The following MCCC1 variants were observed in gnomAD, a reference collection of about 807,000 sequenced individuals.
MCCC1 encodes the protein methylcrotonyl-CoA carboxylase subunit 1.
Under a neutral mutation model 83.8 loss-of-function variants are expected in MCCC1, and 64 were observed. That is an observed-to-expected ratio of 0.76 (90% confidence interval 0.62 to 0.94). The LOEUF is 0.94. Among genes scored for constraint, MCCC1 ranks in the 40% least tolerant of loss-of-function variants. The probability of loss-of-function intolerance (pLI) is 0.00; values close to 1 mark genes in which losing one functional copy is unlikely to be tolerated. For missense variants in MCCC1, 807 were observed against 904.7 expected (o/e 0.89, Z 1.39); for synonymous variants, 322 against 315.4 (o/e 1.02, Z -0.22).
intron 4 of MCCC1, among the ~76,000 whole-genome samples, chr3:183,074,622 G>C (rs553750951): frequency 1.3e-5 from 2 of 152,316 alleles, no homozygotes; most frequent in East Asian, 3.9e-4. Context: ...CCACATCCTA[G>C]TGACAGGAAA....
chr3:183,086,055 T>G (rs527670776), intron 4 of MCCC1, among the ~76,000 whole-genome samples: 1 of 152,310 alleles, frequency 6.6e-6, no homozygotes, highest in Admixed American at 6.5e-5. Flanking sequence ...TAAAGGGTAA[T>G]TTCAACATCC....
At chr3:183,058,935 TA>T (rs1473980630) in intron 7 of MCCC1, among the ~76,000 whole-genome samples, 1 of 152,250 alleles carries the variant, frequency 6.6e-6, no homozygotes, top group Non-Finnish European at 1.5e-5. Flanking sequence ...GGAAGTCTTA[TA>T]AATGTATTGC....
At chr3:183,082,536 A>G (rs1486770068) in intron 4 of MCCC1, among the ~76,000 whole-genome samples, 2 of 152,240 alleles carry the variant, frequency 1.3e-5, no homozygotes, top group Admixed American at 1.3e-4. Flanking sequence ...CAAGCATTCC[A>G]GAGACTGCTT....
intron 15 of MCCC1, among the ~76,000 whole-genome samples, chr3:183,024,765 T>C (rs1272347520): frequency 1.3e-5 from 2 of 152,262 alleles, no homozygotes; most frequent in South Asian, 2.1e-4. Flanking sequence ...AGAATCACTA[T>C]ATGATCTAGC....
At chr3:183,097,725 C>G (rs901154750) in intron 1 of MCCC1, among the ~76,000 whole-genome samples, 25 of 152,072 alleles carry the variant, frequency 1.6e-4, no homozygotes, top group African/African-American at 6.0e-4. Flanking sequence ...CTTCTATAAG[C>G]CATTAACAAC....
chr3:183,087,670 C>T (rs879257019), intron 3 of MCCC1, among the ~76,000 whole-genome samples: 2 of 151,842 alleles, frequency 1.3e-5, no homozygotes, highest in African/African-American at 2.4e-5. Flanking sequence ...AGATTGAGAC[C>T]GTCCTGGCTA....
At chr3:183,078,760 G>A (rs1340511272) in intron 4 of MCCC1, among the ~76,000 whole-genome samples, 2 of 152,142 alleles carry the variant, frequency 1.3e-5, no homozygotes, top group Non-Finnish European at 2.9e-5. Context: ...AACTGTATTA[G>A]TCTGTTTTCA....
At chr3:183,057,952 T>C (rs1715546565) in intron 7 of MCCC1, among the ~76,000 whole-genome samples, 1 of 152,078 alleles carries the variant, frequency 6.6e-6, no homozygotes, top group Admixed American at 6.6e-5. Context: ...AAAAAATCTC[T>C]CTACATAAAA....
intron 4 of MCCC1, among the ~76,000 whole-genome samples, chr3:183,079,606 C>T (rs1335838586): frequency 1.3e-5 from 2 of 152,250 alleles, no homozygotes; most frequent in African/African-American, 4.8e-5. Context: ...TTTCCAGGTA[C>T]ATGGTGCAAG....
At chr3:183,105,651 T>C (rs1017634389) in intron 1 of MCCC1, among the ~76,000 whole-genome samples, 5 of 152,122 alleles carry the variant, frequency 3.3e-5, no homozygotes, top group Non-Finnish European at 7.3e-5. Flanking sequence ...GTATTAGCTA[T>C]TGTGAAAGTT....
intron 13 of MCCC1, 145 bp from the exon 14 acceptor site, chr3:183,034,222 G>A (rs572805734): frequency 5.5e-5 from 34 of 619,464 alleles, no homozygotes; most frequent in Middle Eastern, 4.5e-4. Context: ...AGGCCAAGGC[G>A]GGCGGATCAT....
intron 13 of MCCC1, among the ~76,000 whole-genome samples, 170 bp from the exon 14 acceptor site, chr3:183,034,247 G>A (rs550677969): frequency 6.6e-6 from 1 of 152,008 alleles, no homozygotes; most frequent in African/African-American, 2.4e-5. Context: ...TCAGGAGATC[G>A]AGACCATCCT....
chr3:183,041,814 A>G, intron 10 of MCCC1, 64 bp from the exon 11 acceptor site: 4 of 1,575,958 alleles, frequency 2.5e-6, no homozygotes, highest in South Asian at 1.1e-5. Context: ...TTAGTAAATC[A>G]ATGGTCTTGC....
At chr3:183,050,533 C>T (rs1046769002) in intron 9 of MCCC1, among the ~76,000 whole-genome samples, 1 of 151,804 alleles carries the variant, frequency 6.6e-6, no homozygotes, top group South Asian at 2.1e-4. Flanking sequence ...TGAAACCCCG[C>T]CTCTACTAAA....
intron 8 of MCCC1, among the ~76,000 whole-genome samples, chr3:183,055,776 T>G (rs1715376414): frequency 6.6e-6 from 1 of 151,890 alleles, no homozygotes; most frequent in Non-Finnish European, 1.5e-5. Flanking sequence ...GGCATGCACT[T>G]GTAGTCCCAA....
At chr3:183,020,105 C>T (rs1160579270) in intron 17 of MCCC1, 25 bp downstream of exon 17, 1 of 1,551,398 alleles carries the variant, frequency 6.4e-7, no homozygotes, top group Non-Finnish European at 8.9e-7. Flanking sequence ...TACTGAACAT[C>T]ATTCTACAGA....
intron 4 of MCCC1, among the ~76,000 whole-genome samples, chr3:183,076,742 T>C (rs1158673305): frequency 1.3e-5 from 2 of 152,218 alleles, no homozygotes; most frequent in Non-Finnish European, 2.9e-5. Flanking sequence ...TGTTGAGATA[T>C]AATTCATATA....
At chr3:183,105,635 A>G (rs1210243735) in intron 1 of MCCC1, among the ~76,000 whole-genome samples, 1 of 152,146 alleles carries the variant, frequency 6.6e-6, no homozygotes, top group Non-Finnish European at 1.5e-5. Context: ...TTCGTACCTT[A>G]GGCCTGTATT....
Position 183,020,162 on chromosome 3 carries a change from G to T in MCCC1, c.1945C>A (p.Pro649Thr). ...SVSSQETQGGPLAPMTGTIEK... is the reference protein window; with the variant it reads ...SVSSQETQGGTLAPMTGTIEK... Reference sequence around the variant, plus strand: ...ATGGTTCCAGTCATAGGAGCTAAGGGGCCGCCCTGAGTTTCTTGTGAGCTC... The same window carrying T: ...ATGGTTCCAGTCATAGGAGCTAAGGTGCCGCCCTGAGTTTCTTGTGAGCTC... Residue 649 changes from proline to threonine, a missense_variant, in exon 17 of 19, where the codon CCC becomes ACC. Physicochemically the swap from Pro to Thr is conservative, Grantham distance 38. Coordinates refer to ENST00000265594, the MANE Select transcript of MCCC1 (RefSeq NM_020166.5). The T allele has an allele frequency of 6.2e-7, 1 of 1,614,006 alleles. No homozygotes were observed. Among genetic ancestry groups the T allele is most frequent in the Non-Finnish European group, 8.5e-7 (1 of 1,179,934 alleles).
Sources: gnomAD v4.1 joint callset for allele counts (sites outside exome capture counted in the v4.1 genomes callset) on GRCh38, gnomAD v4.1.1 for gene constraint, MANE v1.5 for transcripts, NCBI Gene and HGNC (gene_info 2026-07-23, HGNC 2026-07-21) for gene names.